SLC35F3: variants seen among roughly 807,000 people sequenced by gnomAD.
SLC35F3 encodes the protein solute carrier family 35 member F3.
Under a neutral mutation model 49.9 loss-of-function variants are expected in SLC35F3, and 25 were observed. That is an observed-to-expected ratio of 0.50 (90% CI 0.37 to 0.70). The LOEUF is 0.70. Ranked by LOEUF, SLC35F3 falls within the 30% of genes least tolerant of loss-of-function variation. SLC35F3 has a pLI of 0.00. For synonymous variants in SLC35F3, 275 were observed against 265.4 expected, an observed-to-expected ratio of 1.04 and a Z score of -0.35; for missense variants, 525 against 639.8, an observed-to-expected ratio of 0.82 and a Z score of 1.94.
chr1:234,076,442 A>T (rs887184252), intron 2 of SLC35F3, among the ~76,000 whole-genome samples: 1 of 151,476 alleles, frequency 6.6e-6, no homozygotes, highest in Non-Finnish European at 1.5e-5. Flanking sequence ...TCTCTACAAA[A>T]ATAATAATAA....
chr1:234,143,271 CTCTTT>C (rs796933380), intron 2 of SLC35F3, among the ~76,000 whole-genome samples: 6 of 135,080 alleles, frequency 4.4e-5, no homozygotes, highest in Admixed American at 7.7e-5. Context: ...ATGAGTTTGA[CTCTTT>C]TCTTTTCTTT....
intron 2 of SLC35F3, among the ~76,000 whole-genome samples, chr1:234,108,473 A>ATATATATTATT (rs1491428916): frequency 6.2e-5 from 5 of 80,724 alleles, no homozygotes; most frequent in East Asian, 7.4e-4. Context: ...TATATAAAAG[A>ATATATATTATT]TATATATATA....
In SLC35F3 at chr1:233,904,937, C is replaced by A; in HGVS notation, c.-141C>A. 1.1e-6 allele frequency: 1 copy of A among 897,986 alleles called. No homozygotes were observed. Among genetic ancestry groups the A allele is most frequent in the Non-Finnish European group, 1.6e-6 (1 of 626,350 alleles). 55.6% of individuals were successfully genotyped at this position (897,986 alleles called of 1,614,324 possible). A position where few individuals can be genotyped will look rare whatever the true frequency, so the allele number is the denominator to read the frequency against. ...ACAGACCGCGCGGGCGCGCACAAAG[C>A]GGCCCGGGGCGGCCGGCGCGGCGCA... On this transcript the variant is annotated 5_prime_UTR_variant, in exon 1 of 8. Coordinates refer to ENST00000366618, the MANE Select transcript of SLC35F3 (RefSeq NM_173508.4).
In SLC35F3 at chr1:234,231,767, C is replaced by G; in HGVS notation, c.608+26C>G. On this transcript the variant is annotated intron_variant, in intron 3 of 7. Coordinates refer to ENST00000366618, the MANE Select transcript of SLC35F3 (RefSeq NM_173508.4). The surrounding 1 kb of genome is among the most constrained non-coding windows in gnomAD (Gnocchi z 5.4). ...GTAGGCGCGTCCTGCATGAGGAGGC[C>G]TCCTGACCCCGGGCTGCTCCATCCA... 1 of 1,570,626 alleles carries G rather than the reference C, an allele frequency of 6.4e-7. No homozygotes were observed. The highest frequency in any genetic ancestry group is 8.7e-7 in the Non-Finnish European group (1 of 1,153,940).
chr1:234,272,248 G>C (rs1056449105), intron 3 of SLC35F3: 2 of 152,140 alleles, frequency 1.3e-5, no homozygotes, highest in African/African-American at 4.8e-5. Flanking sequence ...ACTTTCCAGG[G>C]TATGGAAAGT....
chr1:234,098,602 A>G (rs1665164109), intron 2 of SLC35F3, among the ~76,000 whole-genome samples: 1 of 140,920 alleles, frequency 7.1e-6, no homozygotes, highest in Admixed American at 7.1e-5. Flanking sequence ...TGACAGTGTT[A>G]TAGGGTGATG....
At chr1:234,101,264 C>T (rs1665209420) in intron 2 of SLC35F3, among the ~76,000 whole-genome samples, 1 of 151,980 alleles carries the variant, frequency 6.6e-6, no homozygotes, top group Non-Finnish European at 1.5e-5. Context: ...TACATAAGCT[C>T]CATGAGGGTA....
chr1:234,200,624 T>G (rs577957020), intron 2 of SLC35F3, among the ~76,000 whole-genome samples: 1 of 152,200 alleles, frequency 6.6e-6, no homozygotes, highest in South Asian at 2.1e-4. Context: ...ATTAAGTATT[T>G]TTTTTTCCTA....
intron 2 of SLC35F3, among the ~76,000 whole-genome samples, chr1:234,048,137 T>C (rs915855630): frequency 1.3e-5 from 2 of 152,084 alleles, no homozygotes; most frequent in African/African-American, 4.8e-5. Flanking sequence ...AGCTGAGGAA[T>C]TTTCTAAACA....
chr1:234,052,014 T>C (rs1476100791), intron 2 of SLC35F3, among the ~76,000 whole-genome samples: 1 of 152,170 alleles, frequency 6.6e-6, no homozygotes, highest in African/African-American at 2.4e-5. Flanking sequence ...TGGATAAGCT[T>C]TTTGATGTGC....
At chr1:234,289,697 C>T (rs892898536) in intron 3 of SLC35F3, among the ~76,000 whole-genome samples, 7 of 152,196 alleles carry the variant, frequency 4.6e-5, no homozygotes, top group Non-Finnish European at 8.8e-5. Flanking sequence ...AACAGAGAAG[C>T]CAACCTGAGA....
intron 2 of SLC35F3, among the ~76,000 whole-genome samples, chr1:234,012,670 A>G (rs961408783): frequency 1.2e-4 from 18 of 152,228 alleles, no homozygotes; most frequent in African/African-American, 4.3e-4. Context: ...TGTGAGCTCA[A>G]AGTTGGAGCA....
At chr1:233,947,508 TC>T (rs1207956323) in intron 2 of SLC35F3, among the ~76,000 whole-genome samples, 1 of 151,044 alleles carries the variant, frequency 6.6e-6, no homozygotes, top group African/African-American at 2.4e-5. Flanking sequence ...AGGAGGGATT[TC>T]CATGTCAGTC....
chr1:234,153,526 A>G (rs773316173), intron 2 of SLC35F3, among the ~76,000 whole-genome samples: 45 of 152,216 alleles, frequency 3.0e-4, no homozygotes, highest in Non-Finnish European at 5.3e-4. Flanking sequence ...TTCAGTTATC[A>G]TGTAGGTGGT....
intron 3 of SLC35F3, among the ~76,000 whole-genome samples, chr1:234,240,166 GT>G (rs1429645397): frequency 6.6e-6 from 1 of 152,188 alleles, no homozygotes; most frequent in African/African-American, 2.4e-5. Flanking sequence ...TGATTATGAG[GT>G]CATAAAATGA....
At chr1:234,045,893 G>A (rs1572031146) in intron 2 of SLC35F3, among the ~76,000 whole-genome samples, 1 of 151,910 alleles carries the variant, frequency 6.6e-6, no homozygotes, top group East Asian at 1.9e-4. Context: ...TTATATAAGT[G>A]CCACAAAACT....
At chr1:234,028,117 C>A (rs554496140) in intron 2 of SLC35F3, among the ~76,000 whole-genome samples, 17 of 152,300 alleles carry the variant, frequency 1.1e-4, no homozygotes, top group African/African-American at 4.1e-4. Flanking sequence ...GTTCTTCTGA[C>A]TGCAAGTTAG....
chr1:234,310,652 T>C lies in SLC35F3; in HGVS notation c.828+1332T>C, dbSNP rs536366858. ...GCCCCCCTGCCACCCACCCATGTCCTTCCTGACTTTATTTTGATGTAAAGA... is the reference window on the plus strand; with the variant it reads ...GCCCCCCTGCCACCCACCCATGTCCCTCCTGACTTTATTTTGATGTAAAGA... On this transcript the variant is annotated intron_variant, in intron 4 of 7. Coordinates refer to ENST00000366618, the MANE Select transcript of SLC35F3 (RefSeq NM_173508.4). Among the ~76,000 whole-genome samples, 4 of 152,322 alleles carry C rather than the reference T, an allele frequency of 2.6e-5. No homozygotes were observed. The South Asian group carries it at 8.3e-4, about 32-fold the overall frequency.
intron 3 of SLC35F3, among the ~76,000 whole-genome samples, chr1:234,235,177 G>A (rs918694518): frequency 6.6e-6 from 1 of 152,206 alleles, no homozygotes; most frequent in Non-Finnish European, 1.5e-5. Flanking sequence ...AACTCATCTG[G>A]GTTTTCAGCC....
Sources: allele counts gnomAD v4.1 joint callset (sites outside exome capture counted in the v4.1 genomes callset), GRCh38; gene constraint gnomAD v4.1.1; non-coding constraint Gnocchi (gnomAD v3.1); transcripts MANE v1.5; gene names NCBI Gene and HGNC (gene_info 2026-07-23, HGNC 2026-07-21).